Variants in ZC3H12B observed in about 807,000 individuals in gnomAD.
ZC3H12B encodes probable ribonuclease ZC3H12B.
ZC3H12B carries 7 observed loss-of-function variants against 43.9 expected under a neutral mutation model. The ratio of observed to expected loss-of-function variants is 0.16; its 90% CI spans 0.09 to 0.30. The LOEUF is 0.30. Among genes scored for constraint, ZC3H12B ranks in the 10% least tolerant of loss-of-function variants. The probability of loss-of-function intolerance (pLI) is 1.00; values close to 1 mark genes in which losing one functional copy is unlikely to be tolerated. For synonymous variants in ZC3H12B, 222 were observed against 241.7 expected, an observed-to-expected ratio of 0.92 and a Z score of 0.76; for missense variants, 475 against 670.2, an observed-to-expected ratio of 0.71 and a Z score of 3.22.
chrX:65,220,646 C>T, the ZC3H12B span, among the ~76,000 whole-genome samples: 3 of 112,032 alleles, frequency 2.7e-5, no homozygotes, highest in South Asian at 7.4e-4. Context: ...CAGCAGGAAA[C>T]TATCACAATC....
intron 3 of ZC3H12B, among the ~76,000 whole-genome samples, chrX:65,462,206 A>T (rs1395690551): frequency 9.0e-6 from 1 of 110,818 alleles, no homozygotes; most frequent in Non-Finnish European, 1.9e-5. Context: ...CACTGGGTAT[A>T]ACCTCATTTT....
At chrX:65,334,497 A>T in the ZC3H12B span, among the ~76,000 whole-genome samples, 1 of 112,226 alleles carries the variant, frequency 8.9e-6, no homozygotes, top group Non-Finnish European at 1.9e-5. Context: ...TTTATTTTTC[A>T]AAGATTACTT....
the ZC3H12B span, among the ~76,000 whole-genome samples, chrX:65,046,813 T>A: frequency 9.0e-6 from 1 of 111,527 alleles, no homozygotes; most frequent in Non-Finnish European, 1.9e-5. Flanking sequence ...TACTCTTCCT[T>A]TCACTTGAAC....
At chrX:65,223,580 A>G in the ZC3H12B span, among the ~76,000 whole-genome samples, 5 of 112,710 alleles carry the variant, frequency 4.4e-5, no homozygotes, top group Admixed American at 9.4e-5. Context: ...ACATCTAACA[A>G]TCAATGCTCA....
intron 3 of ZC3H12B, among the ~76,000 whole-genome samples, chrX:65,432,267 G>A (rs772304150): frequency 9.0e-6 from 1 of 111,562 alleles, no homozygotes; most frequent in Non-Finnish European, 1.9e-5. Flanking sequence ...AGCCCAGGTC[G>A]CATGGTAACT....
Position 65,438,006 on chromosome X carries a change from C to T in ZC3H12B, n.407+39302C>T, listed in dbSNP as rs1043805808. 2.7e-5 allele frequency among the ~76,000 whole-genome samples: 3 copies of T among 112,368 alleles called. No individual in the cohort carries two copies. In the East Asian group the frequency reaches 8.3e-4, roughly 31 times the overall value. On this transcript the variant is annotated intron_variant and non_coding_transcript_variant, in intron 3 of 5. Transcript: ENST00000617377. Reference sequence around the variant, plus strand: ...CTTATTGAAGAGATTGTCCTTTCCCCATTATATGTTCTTGACACCTTTGTC... The same window carrying T: ...CTTATTGAAGAGATTGTCCTTTCCCTATTATATGTTCTTGACACCTTTGTC...
At chrX:65,109,964 G>A in the ZC3H12B span, among the ~76,000 whole-genome samples, 3 of 111,218 alleles carry the variant, frequency 2.7e-5, no homozygotes, top group South Asian at 3.7e-4. Flanking sequence ...ATCTTTTCCT[G>A]TGCTTATTGG....
chrX:65,226,778 A>G, the ZC3H12B span, among the ~76,000 whole-genome samples: 2 of 111,626 alleles, frequency 1.8e-5, no homozygotes, highest in Non-Finnish European at 3.8e-5. Context: ...ATCAAAAGAG[A>G]CAAAGAAGAC....
the ZC3H12B span, among the ~76,000 whole-genome samples, chrX:65,198,554 T>G: frequency 1.8e-5 from 2 of 111,936 alleles, no homozygotes; most frequent in Non-Finnish European, 3.8e-5. Flanking sequence ...TTTTTAAATA[T>G]ATCATGCCAC....
the ZC3H12B span, among the ~76,000 whole-genome samples, chrX:65,243,726 C>T: frequency 8.9e-6 from 1 of 112,016 alleles, no homozygotes; most frequent in South Asian, 3.7e-4. Context: ...ACCTAAGTGT[C>T]TATCAATGGA....
At chrX:65,064,714 G>C in the ZC3H12B span, among the ~76,000 whole-genome samples, 1 of 111,540 alleles carries the variant, frequency 9.0e-6, no homozygotes, top group African/African-American at 3.3e-5. Context: ...TTTGTGTCTC[G>C]CTGATCTGTC....
the ZC3H12B span, among the ~76,000 whole-genome samples, chrX:65,231,174 G>A: frequency 1.8e-5 from 2 of 110,920 alleles, no homozygotes; most frequent in African/African-American, 6.6e-5. Flanking sequence ...CACAAAACCA[G>A]CAAGTTTTTA....
chrX:65,287,002 T>C, the ZC3H12B span, among the ~76,000 whole-genome samples: 1 of 111,207 alleles, frequency 9.0e-6, no homozygotes, highest in Admixed American at 9.6e-5. Flanking sequence ...ATTATAAATA[T>C]GTAAGTACCC....
At chrX:65,369,266 T>C (rs190099652) in intron 2 of ZC3H12B, among the ~76,000 whole-genome samples, 78 of 111,629 alleles carry the variant, frequency 7.0e-4, no homozygotes, top group African/African-American at 2.3e-3. Flanking sequence ...GGAATATCAC[T>C]TGTGGAACTT....
intron 3 of ZC3H12B, among the ~76,000 whole-genome samples, chrX:65,452,777 G>A (rs866121836): frequency 2.8e-5 from 3 of 108,627 alleles, no homozygotes; most frequent in East Asian, 2.9e-4. Context: ...AGTGGTGGAG[G>A]TTACAGCAAG....
intron 3 of ZC3H12B, among the ~76,000 whole-genome samples, chrX:65,442,125 T>C (rs962939750): frequency 9.3e-6 from 1 of 108,040 alleles, no homozygotes; most frequent in African/African-American, 3.4e-5. Context: ...ATTTCCTTTA[T>C]CCACTTTTAG....
intron 2 of ZC3H12B, among the ~76,000 whole-genome samples, chrX:65,380,627 T>C (rs1422507086): frequency 9.0e-6 from 1 of 111,441 alleles, no homozygotes; most frequent in African/African-American, 3.3e-5. Flanking sequence ...TAAATGTAAA[T>C]GGACTAAATG....
At chrX:65,355,679 TA>T in the ZC3H12B span, among the ~76,000 whole-genome samples, 1 of 111,975 alleles carries the variant, frequency 8.9e-6, no homozygotes, top group Non-Finnish European at 1.9e-5. Flanking sequence ...TTTAAAAATT[TA>T]AACAATTTTT....
intron 3 of ZC3H12B, among the ~76,000 whole-genome samples, chrX:65,447,640 G>T (rs1489615110): frequency 8.9e-6 from 1 of 111,848 alleles, no homozygotes; most frequent in African/African-American, 3.3e-5. Flanking sequence ...AGAATCATCA[G>T]AGTAAACAAA....
Sources: allele counts gnomAD v4.1 joint callset (sites outside exome capture counted in the v4.1 genomes callset), GRCh38; gene constraint gnomAD v4.1.1; transcripts MANE v1.5; gene names NCBI Gene and HGNC (gene_info 2026-07-23, HGNC 2026-07-21).